ATP5F1C: variants seen among roughly 807,000 people sequenced by gnomAD.
ATP5F1C encodes the protein ATP synthase F(1) complex subunit gamma, mitochondrial.
A neutral mutation model predicts 37.4 loss-of-function variants in ATP5F1C; 22 were observed. That is an observed-to-expected ratio of 0.59 (90% CI 0.42 to 0.84). ATP5F1C has a LOEUF of 0.84. ATP5F1C is among the 40% of genes least tolerant of loss of function. The pLI, the probability that ATP5F1C is intolerant of heterozygous loss-of-function variation, is 0.00. For missense variants in ATP5F1C, 286 were observed against 362.4 expected, an observed-to-expected ratio of 0.79 and a Z score of 1.71; for synonymous variants, 121 against 128.0, an observed-to-expected ratio of 0.95 and a Z score of 0.37.
intron 1 of ATP5F1C, among the ~76,000 whole-genome samples, chr10:7,792,665 T>A (rs1158418828): frequency 6.6e-6 from 1 of 152,240 alleles, no homozygotes; most frequent in African/African-American, 2.4e-5. Context: ...GGTTTCTCCA[T>A]GCCTTTTTAT....
chr10:7,801,244 A>G (rs1836360594), intron 6 of ATP5F1C, among the ~76,000 whole-genome samples: 2 of 152,224 alleles, frequency 1.3e-5, no homozygotes, highest in South Asian at 4.1e-4. Flanking sequence ...TGAAATTGAG[A>G]TGGCTCTACC....
At chr10:7,796,333 C>A (rs1374502037) in intron 2 of ATP5F1C, 178 bp downstream of exon 2, 5 of 494,508 alleles carry the variant, frequency 1.0e-5, no homozygotes, top group Non-Finnish European at 1.5e-5. Flanking sequence ...TAAGAAAGGA[C>A]ACCTGAGACA....
intron 8 of ATP5F1C, among the ~76,000 whole-genome samples, chr10:7,805,822 C>A (rs930010057): frequency 6.6e-6 from 1 of 151,492 alleles, no homozygotes; most frequent in Non-Finnish European, 1.5e-5. Flanking sequence ...TGCATTGGCT[C>A]ATGCTTGTAA....
chr10:7,802,202 A>G (rs1564334081), intron 6 of ATP5F1C, 68 bp from the exon 7 acceptor site: 7 of 1,490,128 alleles, frequency 4.7e-6, no homozygotes, highest in Non-Finnish European at 5.4e-6. Context: ...TTACACTGAA[A>G]AGCTGTTTTT....
At chr10:7,791,667 A>G (rs924089721) in intron 1 of ATP5F1C, among the ~76,000 whole-genome samples, 6 of 152,180 alleles carry the variant, frequency 3.9e-5, no homozygotes, top group African/African-American at 4.8e-5. Context: ...AGGACGTGCA[A>G]TGATTCAGAG....
At chr10:7,794,908 A>T (rs1362675274) in intron 1 of ATP5F1C, among the ~76,000 whole-genome samples, 14 of 152,258 alleles carry the variant, frequency 9.2e-5, no homozygotes, top group East Asian at 1.9e-4. Context: ...ATGCTTGCAA[A>T]TCTAGTCTCC....
chr10:7,793,850 G>T (rs1455959505), intron 1 of ATP5F1C, among the ~76,000 whole-genome samples: 1 of 152,184 alleles, frequency 6.6e-6, no homozygotes, highest in Non-Finnish European at 1.5e-5. Flanking sequence ...GTGTCCAGTT[G>T]TTCCAGTGCC....
At chr10:7,791,843 AAC>A (rs1836169283) in intron 1 of ATP5F1C, among the ~76,000 whole-genome samples, 1 of 152,270 alleles carries the variant, frequency 6.6e-6, no homozygotes, top group African/African-American at 2.4e-5. Flanking sequence ...AGTGCTTTAA[AAC>A]ACATGAAATT....
rs917009904 is a variant in ATP5F1C at position 7,802,282 on chromosome 10, T to C, written c.650T>C (p.Ile217Thr). Reference protein sequence around the residue: ...NTVASADSMSIYDDIDADVLQ... With the variant: ...NTVASADSMSTYDDIDADVLQ... ...CTTGTTTTAACAGACAGCATGAGTA[T>C]CTATGACGATATTGATGCTGACGTG... Residue 217 changes from isoleucine (I) to threonine (T), a missense_variant, in exon 7 of 10, where the codon ATC becomes ACC. Coordinates refer to ENST00000356708, the MANE Select transcript of ATP5F1C (RefSeq NM_001001973.3). 1.9e-6 allele frequency: 3 copies of C among 1,611,066 alleles called. No homozygotes were observed. In the African/African-American group the frequency reaches 4.0e-5, roughly 22 times the overall value.
intron 6 of ATP5F1C, among the ~76,000 whole-genome samples, chr10:7,801,256 G>A (rs1386288830): frequency 2.0e-5 from 3 of 152,130 alleles, no homozygotes; most frequent in African/African-American, 7.2e-5. Flanking sequence ...GGCTCTACCA[G>A]CCAATGGAAC....
Position 7,807,697 on chromosome 10 carries a change from G to A in ATP5F1C, c.*69G>A, listed in dbSNP as rs1836512286. The A allele has an allele frequency of 6.2e-7, 1 of 1,603,188 alleles. No homozygotes were observed. On this transcript the variant is annotated 3_prime_UTR_variant, in exon 10 of 10. Transcript: ENST00000356708. ...ATTCAGCCAGTTGATTTTGTTTTTA[G>A]CTTACTGCTGCCTTTGTCCGAAGAA... is the stretch of plus-strand genomic sequence containing the variant.
At chr10:7,802,960 C>T (rs1441493346) in intron 8 of ATP5F1C, 106 bp downstream of exon 8, 3 of 877,472 alleles carry the variant, frequency 3.4e-6, no homozygotes, top group Non-Finnish European at 5.3e-6. Flanking sequence ...GAAGTTGAAA[C>T]TCATTGCTGA....
At chr10:7,797,242 A>G in intron 3 of ATP5F1C, 64 bp downstream of exon 3, 1 of 1,582,336 alleles carries the variant, frequency 6.3e-7, no homozygotes, top group Non-Finnish European at 8.6e-7. Flanking sequence ...ACTACTGATG[A>G]CTTACATTTA....
At position 7,802,418 on chromosome 10, in the gene ATP5F1C, G is replaced by A. The variant is rs1836386570; in HGVS notation, c.786G>A (p.Lys262=). 1 of 1,612,312 alleles carries A rather than the reference G, an allele frequency of 6.2e-7. No homozygotes were observed. Among genetic ancestry groups the A allele is most frequent in the Non-Finnish European group, 8.5e-7 (1 of 1,179,260 alleles). Reference sequence around the variant, plus strand: ...TGACAGCCATGGACAATGCCAGCAAGAATGCTTGTAAGTACACAGTATGGA... The same window carrying A: ...TGACAGCCATGGACAATGCCAGCAAAAATGCTTGTAAGTACACAGTATGGA... ...ARMTAMDNAS[K]NASEMIDKLT... The change falls in exon 7 of 10, where the codon AAG becomes AAA. Residue 262 remains lysine (K), a synonymous_variant. Coordinates refer to ENST00000356708, the MANE Select transcript of ATP5F1C (RefSeq NM_001001973.3).
rs898952489 is a variant in ATP5F1C at position 7,800,206 on chromosome 10, G to A, written c.637+115G>A. ...TAGCTATAGCAAATGATTTGGGGCT[G>A]TTTCTTTTTTAGATGGAATCTTGCT... On this transcript the variant is annotated intron_variant, in intron 6 of 9. Coordinates refer to ENST00000356708, the MANE Select transcript of ATP5F1C (RefSeq NM_001001973.3). 6.2e-6 allele frequency: 7 copies of A among 1,130,328 alleles called. No homozygotes were observed. The South Asian group carries it at 9.4e-5, about 15-fold the overall frequency. 70.0% of individuals were successfully genotyped at this position (1,130,328 alleles called of 1,614,324 possible).
In ATP5F1C at chr10:7,797,067, A is replaced by C; in HGVS notation, c.112A>C (p.Ile38Leu). The C allele has an allele frequency of 6.2e-7, 1 of 1,614,184 alleles. No individual in the cohort carries two copies. The highest frequency in any genetic ancestry group is 8.5e-7 in the Non-Finnish European group (1 of 1,180,002). Reference sequence around the variant, plus strand: ...TTCAGTCACCAGGAGACTAAAGTCCATCAAAAACATCCAGAAAATTACCAA... The same window carrying C: ...TTCAGTCACCAGGAGACTAAAGTCCCTCAAAAACATCCAGAAAATTACCAA... ...LKDITRRLKS[I>L]KNIQKITKSM... The change falls in exon 3 of 10, where the codon ATC (isoleucine) becomes CTC (leucine). Residue 38 changes from isoleucine (I) to leucine (L), a missense_variant. Coordinates refer to ENST00000356708, the MANE Select transcript of ATP5F1C (RefSeq NM_001001973.3).
chr10:7,799,679 C>G, intron 4 of ATP5F1C, 93 bp from the exon 5 acceptor site: 2 of 1,454,506 alleles, frequency 1.4e-6, no homozygotes, highest in Non-Finnish European at 1.9e-6. Flanking sequence ...AAGACCTGAT[C>G]CATGGTGACA....
rs976183640 is a variant in ATP5F1C, at chr10:7,799,781, T to G, written c.438T>G (p.Ser146=). The G allele has an allele frequency of 3.7e-6, 6 of 1,614,054 alleles. No individual in the cohort carries two copies. Among genetic ancestry groups the G allele is most frequent in the Non-Finnish European group, 4.2e-6 (5 of 1,180,048 alleles). The change falls in exon 5 of 10, where the codon TCT becomes TCG. Residue 146 remains serine (S), a synonymous_variant. Transcript: ENST00000356708. ...KIRGILYRTH[S]DQFLVAFKEV... ...CTTGCTTTTCTTATAGGACTCATTC[T>G]GACCAGTTTCTGGTGGCATTCAAAG...
intron 5 of ATP5F1C, 22 bp from the exon 6 acceptor site, chr10:7,800,005 C>T: frequency 1.9e-6 from 3 of 1,610,358 alleles, no homozygotes; most frequent in Non-Finnish European, 2.5e-6. Flanking sequence ...TTGAGATTTA[C>T]ATTTGTTTTT....
Sources: allele counts gnomAD v4.1 joint callset (sites outside exome capture counted in the v4.1 genomes callset), GRCh38; gene constraint gnomAD v4.1.1; transcripts MANE v1.5; gene names NCBI Gene and HGNC (gene_info 2026-07-23, HGNC 2026-07-21).